Variants in PFKFB1 observed in about 807,000 individuals in gnomAD.
PFKFB1 encodes 6-phosphofructo-2-kinase/fructose-2,6-bisphosphatase 1.
In PFKFB1, 34 loss-of-function variants were observed where a neutral mutation model predicts 46.4. The observed-to-expected ratio is 0.73, with a 90% CI of 0.56 to 0.98. PFKFB1 has a LOEUF of 0.98. Ranked by LOEUF, PFKFB1 falls within the 50% of genes least tolerant of loss-of-function variation. PFKFB1 has a pLI of 0.00. For missense variants in PFKFB1, 393 were observed against 376.3 expected (o/e 1.04, Z -0.37); for synonymous variants, 119 against 133.8 (o/e 0.89, Z 0.76).
intron 1 of PFKFB1, among the ~76,000 whole-genome samples, chrX:54,965,963 A>C (rs4826365): frequency 0.43 from 47,288 of 108,962 alleles, 8,248 homozygotes; most frequent in African/African-American, 0.62. Flanking sequence ...CACAAAATGA[A>C]CAAATAAAAT....
intron 3 of PFKFB1, among the ~76,000 whole-genome samples, chrX:54,960,371 A>G (rs1569546950): frequency 8.9e-6 from 1 of 112,668 alleles, no homozygotes; most frequent in Non-Finnish European, 1.9e-5. Flanking sequence ...CATAAGGCAC[A>G]GGCTCTATTC....
chrX:54,996,572 G>A (rs996915787), upstream of PFKFB1, among the ~76,000 whole-genome samples: 2 of 112,123 alleles, frequency 1.8e-5, no homozygotes, highest in African/African-American at 6.5e-5. Context: ...AAATTGCCTG[G>A]AATTAGCTAT....
intron 1 of PFKFB1, among the ~76,000 whole-genome samples, chrX:54,970,172 G>GTGC (rs1372506965): frequency 1.8e-5 from 2 of 111,171 alleles, no homozygotes; most frequent in Non-Finnish European, 3.8e-5. Context: ...GTCTCCCAAA[G>GTGC]TGCTGGGATT....
At chrX:54,996,934 C>T (rs1222007091), upstream of PFKFB1, among the ~76,000 whole-genome samples, 2 of 111,258 alleles carry the variant, frequency 1.8e-5, no homozygotes, top group Non-Finnish European at 3.8e-5. Context: ...TCTTATATTG[C>T]CCACATGCTC....
At chrX:54,983,816 C>A (rs1019249877) in intron 1 of PFKFB1, among the ~76,000 whole-genome samples, 2 of 111,749 alleles carry the variant, frequency 1.8e-5, no homozygotes, top group Non-Finnish European at 3.8e-5. Context: ...CTTCTGCAAT[C>A]TCACCAGTAT....
rs771353686 is a variant in PFKFB1, at chrX:54,963,334, C to G, written c.146G>C (p.Gly49Ala). The change falls in exon 2 of 14, where the codon GGT becomes GCT. Residue 49 changes from glycine (G) to alanine (A), a missense_variant. Coordinates refer to ENST00000375006, the MANE Select transcript of PFKFB1 (RefSeq NM_002625.4). ...TNSPTMVIMV[G>A]LPARGKTYIS... ...ATAGGTCTTGCCTCGAGCTGGTAAACCCACCATGATCACCATTGTGGGGGA... is the reference window on the plus strand; with the variant it reads ...ATAGGTCTTGCCTCGAGCTGGTAAAGCCACCATGATCACCATTGTGGGGGA... 8.3e-7 allele frequency: 1 copy of G among 1,209,096 alleles called. No individual in the cohort carries two copies. Among genetic ancestry groups the G allele is most frequent in the Admixed American group, 2.2e-5 (1 of 46,000 alleles).
At chrX:54,954,242 G>A (rs759270978) in intron 7 of PFKFB1, among the ~76,000 whole-genome samples, 8 of 112,226 alleles carry the variant, frequency 7.1e-5, no homozygotes, top group South Asian at 3.7e-4. Flanking sequence ...AGCTGGGTGC[G>A]GTGGCTCATG....
At chrX:54,991,725 A>T (rs1309053088) in intron 1 of PFKFB1, among the ~76,000 whole-genome samples, 1 of 111,180 alleles carries the variant, frequency 9.0e-6, no homozygotes, top group Non-Finnish European at 1.9e-5. Flanking sequence ...ATTATTCTTC[A>T]TAATCAAAAA....
chrX:54,983,462 G>T (rs912208938), intron 1 of PFKFB1, among the ~76,000 whole-genome samples: 4 of 111,524 alleles, frequency 3.6e-5, no homozygotes, highest in Non-Finnish European at 7.6e-5. Context: ...AAGTATAATG[G>T]CCTCCAGCAT....
In PFKFB1 at chrX:54,961,077, A is replaced by C. The variant is rs774188195; in HGVS notation, c.224-160T>G. On this transcript the variant is annotated intron_variant, in intron 2 of 13. Transcript: ENST00000375006. ...ATGGCTACCAGTTTATTTATTCCTCACAACAGCCCTGCAAAGTAGAGATCA... is the reference window on the plus strand; with the variant it reads ...ATGGCTACCAGTTTATTTATTCCTCCCAACAGCCCTGCAAAGTAGAGATCA... Among the ~76,000 whole-genome samples, 3 of 111,572 alleles carry C rather than the reference A, an allele frequency of 2.7e-5. No individual in the cohort carries two copies. In the Admixed American group the frequency reaches 2.8e-4, roughly 11 times the overall value.
At chrX:54,948,981 G>A (rs1291314207) in intron 9 of PFKFB1, 94 bp downstream of exon 9, 9 of 979,239 alleles carry the variant, frequency 9.2e-6, no homozygotes, top group Non-Finnish European at 2.8e-6. Context: ...GAATTAATTA[G>A]GCTCCCCATA....
At chrX:54,960,957 C>A in intron 2 of PFKFB1, 40 bp from the exon 3 acceptor site, 1 of 910,347 alleles carries the variant, frequency 1.1e-6, no homozygotes, top group South Asian at 2.1e-5. Flanking sequence ...TGGGAAGATC[C>A]CAGTGGCCAA....
At chrX:54,966,556 C>A (rs1163697685) in intron 1 of PFKFB1, among the ~76,000 whole-genome samples, 1 of 111,844 alleles carries the variant, frequency 8.9e-6, no homozygotes, top group African/African-American at 3.3e-5. Context: ...TTTGGTTCCA[C>A]AGTGGAGGTA....
intron 1 of PFKFB1, among the ~76,000 whole-genome samples, chrX:54,988,882 A>C (rs1935171010): frequency 8.9e-6 from 1 of 112,390 alleles, no homozygotes; most frequent in African/African-American, 3.2e-5. Context: ...AAGACTATAA[A>C]ACTCTTAGAA....
intron 1 of PFKFB1, among the ~76,000 whole-genome samples, chrX:54,983,562 C>A (rs1036202325): frequency 8.9e-6 from 1 of 112,296 alleles, no homozygotes; most frequent in Non-Finnish European, 1.9e-5. Context: ...TTTATCCAGT[C>A]TATCACTGAT....
upstream of PFKFB1, chrX:54,998,376 C>T: frequency 8.8e-7 from 1 of 1,133,222 alleles, no homozygotes; most frequent in South Asian, 1.9e-5. Flanking sequence ...TTGTGCAACT[C>T]CTGCCTACTT....
rs1441964649 is a variant in PFKFB1, at chrX:54,982,956, T to G, written c.97+10955A>C. On this transcript the variant is annotated intron_variant, in intron 1 of 13. Coordinates refer to ENST00000375006, the MANE Select transcript of PFKFB1 (RefSeq NM_002625.4). ...TAGGCACTCCTTTCTTTAAATAATTTTAATGAGTTTGAGCATTCAGCAATT... is the reference window on the plus strand; with the variant it reads ...TAGGCACTCCTTTCTTTAAATAATTGTAATGAGTTTGAGCATTCAGCAATT... Among the ~76,000 whole-genome samples the G allele has an allele frequency of 2.7e-5, 3 of 111,255 alleles. No individual in the cohort carries two copies. The East Asian group carries it at 8.5e-4, about 32-fold the overall frequency.
intron 10 of PFKFB1, among the ~76,000 whole-genome samples, chrX:54,940,729 A>G (rs945688189): frequency 1.3e-4 from 15 of 111,484 alleles, no homozygotes; most frequent in Middle Eastern, 4.6e-3. Flanking sequence ...CCACTGCTCA[A>G]TGAAATAAAA....
At chrX:54,977,001 T>C (rs1364839115) in intron 1 of PFKFB1, among the ~76,000 whole-genome samples, 4 of 110,497 alleles carry the variant, frequency 3.6e-5, no homozygotes, top group Admixed American at 9.7e-5. Context: ...GGGTTGACTA[T>C]AATGGGCTGT....
Sources: gnomAD v4.1 joint callset for allele counts (sites outside exome capture counted in the v4.1 genomes callset) on GRCh38, gnomAD v4.1.1 for gene constraint, MANE v1.5 for transcripts, NCBI Gene and HGNC (gene_info 2026-07-23, HGNC 2026-07-21) for gene names.